KIF6: variants seen among roughly 807,000 people sequenced by gnomAD.
The protein encoded by KIF6 is kinesin-like protein KIF6.
In KIF6, 106 loss-of-function variants were observed where a neutral mutation model predicts 112.7. The ratio of observed to expected loss-of-function variants is 0.94; its 90% CI spans 0.80 to 1.11. KIF6 has a LOEUF of 1.11. KIF6 is among the 50% of genes least tolerant of loss of function. The pLI, the probability that KIF6 is intolerant of heterozygous loss-of-function variation, is 0.00. For synonymous variants in KIF6, 339 were observed against 339.9 expected, an observed-to-expected ratio of 1.00 and a Z score of 0.03; for missense variants, 929 against 964.0, an observed-to-expected ratio of 0.96 and a Z score of 0.48.
At chr6:39,380,197 A>G (rs1165356164) in intron 16 of KIF6, among the ~76,000 whole-genome samples, 1 of 152,248 alleles carries the variant, frequency 6.6e-6, no homozygotes, top group African/African-American at 2.4e-5. Flanking sequence ...TAATTTAAAA[A>G]TAACATTGTT....
chr6:39,595,531 T>C (rs972305946), intron 7 of KIF6, among the ~76,000 whole-genome samples: 1 of 152,288 alleles, frequency 6.6e-6, no homozygotes, highest in African/African-American at 2.4e-5. Flanking sequence ...TTATTCACAA[T>C]AGCCAAAAGG....
At chr6:39,440,119 G>A (rs1771823421) in intron 13 of KIF6, among the ~76,000 whole-genome samples, 4 of 152,044 alleles carry the variant, frequency 2.6e-5, no homozygotes, top group Admixed American at 2.0e-4. Context: ...AGCAGGGGAC[G>A]ATGAACAGTG....
intron 3 of KIF6, among the ~76,000 whole-genome samples, chr6:39,670,054 A>T (rs12196827): frequency 0.025 from 3,860 of 152,262 alleles, 52 homozygotes; most frequent in Non-Finnish European, 0.036. Context: ...GAAGGTCCTT[A>T]CACCCGTGAC....
intron 9 of KIF6, among the ~76,000 whole-genome samples, chr6:39,580,473 T>TC (rs1212069776): frequency 6.6e-6 from 1 of 152,112 alleles, no homozygotes; most frequent in Non-Finnish European, 1.5e-5. Context: ...TATATCTTAT[T>TC]TCTTGTTATT....
intron 8 of KIF6, 108 bp downstream of exon 8, chr6:39,586,153 G>T: frequency 1.9e-6 from 2 of 1,071,402 alleles, no homozygotes; most frequent in Non-Finnish European, 1.4e-6. Context: ...GCCCTCTGAA[G>T]GCATACCCAG....
chr6:39,475,640 T>C (rs1774382040), intron 13 of KIF6, among the ~76,000 whole-genome samples: 1 of 152,186 alleles, frequency 6.6e-6, no homozygotes. Context: ...GGGCTGTTGC[T>C]CCTGACTCAG....
intron 2 of KIF6, among the ~76,000 whole-genome samples, chr6:39,717,234 GCCTCATGCTTACTCTACT>G (rs1170983076): frequency 5.6e-4 from 85 of 151,920 alleles, no homozygotes; most frequent in African/African-American, 1.6e-3. Flanking sequence ...CCATTCTGCT[GCCTCATGCTTACTCTACT>G]CCTCATGCTT....
intron 22 of KIF6, among the ~76,000 whole-genome samples, chr6:39,337,211 C>CTTTCTTTCTTTCTTTCTTTCTTTCTT (rs1763054761): frequency 3.2e-5 from 3 of 94,558 alleles, no homozygotes; most frequent in African/African-American, 2.4e-4. Context: ...TTCTTTCTTT[C>CTTTCTTTCTTTCTTTCTTTCTTTCTT]TTTCTTTCTT....
At chr6:39,490,788 A>C (rs747729022) in intron 13 of KIF6, among the ~76,000 whole-genome samples, 17 of 152,130 alleles carry the variant, frequency 1.1e-4, no homozygotes, top group Non-Finnish European at 1.6e-4. Context: ...GAAGAAAGTC[A>C]AAACAAAACT....
At chr6:39,346,086 C>CCCTCTCCCT (rs1763730593) in intron 20 of KIF6, among the ~76,000 whole-genome samples, 1 of 26,994 alleles carries the variant, frequency 3.7e-5, no homozygotes, top group African/African-American at 1.7e-4. Flanking sequence ...CTCTCTCTCT[C>CCCTCTCCCT]CCCCCCCTCT....
chr6:39,514,408 G>A (rs1027409788), intron 13 of KIF6, among the ~76,000 whole-genome samples: 4 of 152,182 alleles, frequency 2.6e-5, no homozygotes, highest in African/African-American at 7.2e-5. Flanking sequence ...GCGTCCATCA[G>A]CATTTAAGCA....
chr6:39,596,218 T>C lies in KIF6; in HGVS notation c.682A>G (p.Thr228Ala), dbSNP rs767602455. 8 of 1,613,850 alleles carry C rather than the reference T, an allele frequency of 5.0e-6. No individual in the cohort carries two copies. Among genetic ancestry groups the C allele is most frequent in the African/African-American group, 1.3e-5 (1 of 74,968 alleles). ...GGTTCCTTGCTTGACAAATGAATGG[T>C]GAAAATGCAGTGGGAACGGGTTGAA... is the stretch of plus-strand genomic sequence containing the variant. ...QASTRSHCIF[T>A]IHLSSKEPGS... is the part of the protein sequence containing the mutation. Residue 228 changes from threonine (T) to alanine (A), a missense_variant, in exon 7 of 23, where the codon ACC (threonine) becomes GCC (alanine). Transcript: ENST00000287152.
Position 39,419,986 on chromosome 6 carries a change from G to A in KIF6, c.1772C>T (p.Ala591Val). The A allele has an allele frequency of 6.2e-7, 1 of 1,613,060 alleles. No individual in the cohort carries two copies. The highest frequency in any genetic ancestry group is 8.5e-7 in the Non-Finnish European group (1 of 1,179,156). ...TGCTTCATTTATACTTTCTCCCAGG[G>A]CCTTGGCTTCAGAAAATCTGGAGGG... is the stretch of plus-strand genomic sequence containing the variant. Reference protein sequence around the residue: ...ILKQRFSEAKALGESINEARS... With the variant: ...ILKQRFSEAKVLGESINEARS... The change falls in exon 15 of 23, where the codon GCC (alanine) becomes GTC (valine). Residue 591 changes from alanine to valine, a missense_variant. Ala to Val is a moderately conservative substitution (Grantham distance 64, BLOSUM62 0). Transcript: ENST00000287152.
At chr6:39,355,154 C>G (rs1225823871) in intron 19 of KIF6, among the ~76,000 whole-genome samples, 1 of 152,096 alleles carries the variant, frequency 6.6e-6, no homozygotes, top group Non-Finnish European at 1.5e-5. Flanking sequence ...CTGCTGTACT[C>G]CAGCATGAGT....
At chr6:39,489,323 A>G (rs1775319986) in intron 13 of KIF6, among the ~76,000 whole-genome samples, 1 of 152,172 alleles carries the variant, frequency 6.6e-6, no homozygotes, top group South Asian at 2.1e-4. Context: ...TTGGTGCTCA[A>G]TGAACACATC....
At chr6:39,381,524 G>A (rs575349579) in intron 16 of KIF6, among the ~76,000 whole-genome samples, 10 of 152,236 alleles carry the variant, frequency 6.6e-5, no homozygotes, top group South Asian at 6.2e-4. Context: ...TACTCTTACC[G>A]GAGCCCTCTG....
intron 15 of KIF6, among the ~76,000 whole-genome samples, chr6:39,394,460 G>T (rs989814282): frequency 6.6e-6 from 1 of 152,176 alleles, no homozygotes. Flanking sequence ...TTCAGCATCG[G>T]ATTATTTGGC....
At chr6:39,571,020 A>G (rs1780611067) in intron 10 of KIF6, among the ~76,000 whole-genome samples, 2 of 152,168 alleles carry the variant, frequency 1.3e-5, no homozygotes, top group African/African-American at 4.8e-5. Context: ...CAGTCACCCT[A>G]AAATTTAAAT....
chr6:39,674,812 C>T (rs1450832246), intron 3 of KIF6, among the ~76,000 whole-genome samples: 2 of 148,394 alleles, frequency 1.3e-5, no homozygotes, highest in Non-Finnish European at 3.0e-5. Flanking sequence ...AACTAACATA[C>T]TAGATAACTG....
Sources: gnomAD v4.1 joint callset for allele counts (sites outside exome capture counted in the v4.1 genomes callset) on GRCh38, gnomAD v4.1.1 for gene constraint, MANE v1.5 for transcripts, NCBI Gene and HGNC (gene_info 2026-07-23, HGNC 2026-07-21) for gene names.